Variants in TGFBI observed in about 807,000 individuals in gnomAD.
The protein encoded by TGFBI is transforming growth factor-beta-induced protein ig-h3.
Under a neutral mutation model 73.7 loss-of-function variants are expected in TGFBI, and 50 were observed. That is an observed-to-expected ratio of 0.68 (90% CI 0.54 to 0.86). TGFBI has a LOEUF of 0.86. Ranked by LOEUF, TGFBI falls within the 40% of genes least tolerant of loss-of-function variation. The pLI, the probability that TGFBI is intolerant of heterozygous loss-of-function variation, is 0.00. For missense variants in TGFBI, 839 were observed against 877.0 expected, an observed-to-expected ratio of 0.96 and a Z score of 0.55; for synonymous variants, 362 against 360.5, an observed-to-expected ratio of 1.00 and a Z score of -0.05.
Position 136,029,173 on chromosome 5 carries a change from CG to C in TGFBI, c.122del (p.Gly41AlafsTer88). The C allele has an allele frequency of 1.3e-6, 2 of 1,511,376 alleles. No individual in the cohort carries two copies. The highest frequency in any genetic ancestry group is 2.6e-5 in the East Asian group (1 of 38,718). The allele number at this position is 1,511,376 out of a possible 1,614,324, so 93.6% of individuals were successfully genotyped here. ...YQLVLQHSRL[R>X]GRQHGPNVCA... The stretch of plus-strand genomic sequence containing the variant: ...GCTGGTGCTGCAGCACAGCAGGCTC[CG>C]GGGCCGCCAGCACGGGTAAGCCGAG... On this transcript the variant is annotated frameshift_variant, in exon 1 of 17. Transcript: ENST00000442011. LOFTEE classifies it high-confidence loss of function.
At position 136,046,384 on chromosome 5, in the gene TGFBI, C is replaced by A. The variant is rs886059923; in HGVS notation, c.348C>A (p.Thr116=). The A allele has an allele frequency of 9.3e-6, 15 of 1,613,854 alleles. No homozygotes were observed. The highest frequency in any genetic ancestry group is 2.2e-5 in the East Asian group (1 of 44,894). ...AGACCCTGGGAGTCGTTGGATCCAC[C>A]ACCACTCAGCTGTACACGGACCGCA... ...LYETLGVVGS[T]TTQLYTDRTE... The change falls in exon 4 of 17, where the codon ACC becomes ACA. Residue 116 remains threonine, a synonymous_variant. Coordinates refer to ENST00000442011, the MANE Select transcript of TGFBI (RefSeq NM_000358.3).
chr5:136,056,794 G>C lies in TGFBI; in HGVS notation c.1677G>C (p.Leu559Phe), dbSNP rs554888573. 4 of 1,612,466 alleles carry C rather than the reference G, an allele frequency of 2.5e-6. No homozygotes were observed. The African/African-American group carries it at 5.3e-5, about 22-fold the overall frequency. Reference protein sequence around the residue: ...ALPPRERSRLLGDAKELANIL... With the variant: ...ALPPRERSRLFGDAKELANIL... ...CACCAAGAGAACGGAGCAGACTCTTGGGTAAAGACCAACTTAAGTACACGT... is the reference window on the plus strand; with the variant it reads ...CACCAAGAGAACGGAGCAGACTCTTCGGTAAAGACCAACTTAAGTACACGT... The change falls in exon 12 of 17, where the codon TTG (leucine) becomes TTC (phenylalanine). Residue 559 changes from leucine (L) to phenylalanine (F), a missense_variant and splice_region_variant. Physicochemically the swap from Leu to Phe is conservative, Grantham distance 22. Transcript: ENST00000442011.
chr5:136,060,276 A>G (rs188151087), intron 13 of TGFBI, among the ~76,000 whole-genome samples: 69 of 152,356 alleles, frequency 4.5e-4, no homozygotes, highest in African/African-American at 1.7e-3. Context: ...TGGATCACAC[A>G]AAAAAGCATT....
intron 7 of TGFBI, among the ~76,000 whole-genome samples, chr5:136,051,093 C>G (rs1751524719): frequency 6.6e-6 from 1 of 152,152 alleles, no homozygotes; most frequent in South Asian, 2.1e-4. Flanking sequence ...ACTGTATTCC[C>G]TATTAAAACA....
Position 136,055,757 on chromosome 5 carries a change from G to T in TGFBI, c.1488G>T (p.Arg496=), listed in dbSNP as rs2126914712. ...GRYGTLFTMD[R]VLTPPMGTVM... ...ACGGGACCCTGTTCACGATGGACCG[G>T]GTGCTGACCCCCCCAATGGGGACTG... The change falls in exon 11 of 17, where the codon CGG becomes CGT. Residue 496 remains arginine, a synonymous_variant. Transcript: ENST00000442011. The T allele has an allele frequency of 6.2e-7, 1 of 1,612,938 alleles. No individual in the cohort carries two copies. The highest frequency in any genetic ancestry group is 1.1e-5 in the South Asian group (1 of 90,844).
intron 11 of TGFBI, 82 bp downstream of exon 11, chr5:136,055,898 C>G: frequency 7.0e-7 from 1 of 1,425,600 alleles, no homozygotes; most frequent in Non-Finnish European, 9.4e-7. Context: ...ATTTGTCAAG[C>G]TTTCTTCTAC....
chr5:136,061,365 A>T (rs1172711345), intron 14 of TGFBI, 135 bp from the exon 15 acceptor site: 7 of 700,254 alleles, frequency 1.0e-5, no homozygotes, highest in Non-Finnish European at 1.8e-5. Flanking sequence ...ACCATGAGTT[A>T]TGAAACATTA....
intron 2 of TGFBI, among the ~76,000 whole-genome samples, chr5:136,034,474 A>G (rs1751181965): frequency 6.6e-6 from 1 of 151,988 alleles, no homozygotes; most frequent in Non-Finnish European, 1.5e-5. Context: ...TGAATGAAAT[A>G]ATGTACATAA....
intron 15 of TGFBI, among the ~76,000 whole-genome samples, chr5:136,061,813 C>T (rs1227089898): frequency 6.6e-6 from 1 of 152,226 alleles, no homozygotes; most frequent in Admixed American, 6.5e-5. Context: ...ACACCGAGGC[C>T]TCTGAGCCTC....
At chr5:136,038,944 G>A (rs1182035300) in intron 2 of TGFBI, among the ~76,000 whole-genome samples, 1 of 152,184 alleles carries the variant, frequency 6.6e-6, no homozygotes, top group Non-Finnish European at 1.5e-5. Context: ...GGAATTGTAA[G>A]ATAATTTGCA....
Position 136,029,444 on chromosome 5 carries a change from G to A in TGFBI, c.134+255G>A, listed in dbSNP as rs555274140. ...GTGGGGAAGTGGACCAGAGACTTTC[G>A]ACGCAGGCCAAGAGCCTGAGACGGA... On this transcript the variant is annotated intron_variant, in intron 1 of 16. Coordinates refer to ENST00000442011, the MANE Select transcript of TGFBI (RefSeq NM_000358.3). 2.6e-5 allele frequency among the ~76,000 whole-genome samples: 4 copies of A among 152,268 alleles called. No individual in the cohort carries two copies. The East Asian group carries it at 5.8e-4, about 22-fold the overall frequency.
In TGFBI at chr5:136,046,331, G is replaced by A. The variant is rs1227426238; in HGVS notation, c.299-4G>A. On this transcript the variant is annotated splice_region_variant and splice_polypyrimidine_tract_variant and intron_variant, in intron 3 of 16. Coordinates refer to ENST00000442011, the MANE Select transcript of TGFBI (RefSeq NM_000358.3). ...ATCCCTCCTTCTGTCTTCTGCTCCTGCAGCCCTACCACTCTCAAACCTTTA... is the reference window on the plus strand; with the variant it reads ...ATCCCTCCTTCTGTCTTCTGCTCCTACAGCCCTACCACTCTCAAACCTTTA... The A allele has an allele frequency of 1.2e-6, 2 of 1,613,824 alleles. No individual in the cohort carries two copies. The highest frequency in any genetic ancestry group is 2.2e-5 in the East Asian group (1 of 44,874).
intron 7 of TGFBI, among the ~76,000 whole-genome samples, chr5:136,052,121 C>G (rs1751547973): frequency 6.6e-6 from 1 of 152,268 alleles, no homozygotes; most frequent in African/African-American, 2.4e-5. Flanking sequence ...TCCATCCAGC[C>G]TGTCTGGGCT....
At chr5:136,052,823 C>T in intron 7 of TGFBI, 84 bp from the exon 8 acceptor site, 1 of 1,352,328 alleles carries the variant, frequency 7.4e-7, no homozygotes, top group Non-Finnish European at 1.0e-6. Flanking sequence ...GAACAGGATC[C>T]TCACAGCATG....
At chr5:136,055,048 T>A in intron 10 of TGFBI, 187 bp downstream of exon 10, 1 of 708,682 alleles carries the variant, frequency 1.4e-6, no homozygotes, top group South Asian at 1.9e-5. Flanking sequence ...AATCTCTTTT[T>A]CTGGAGGCCT....
chr5:136,040,509 G>A (rs1439368568), intron 2 of TGFBI, among the ~76,000 whole-genome samples: 1 of 152,198 alleles, frequency 6.6e-6, no homozygotes, highest in African/African-American at 2.4e-5. Context: ...ATGCCCGATG[G>A]TCTGAGATGG....
intron 1 of TGFBI, among the ~76,000 whole-genome samples, chr5:136,030,202 G>A (rs1417615884): frequency 6.6e-6 from 1 of 152,126 alleles, no homozygotes; most frequent in Non-Finnish European, 1.5e-5. Flanking sequence ...AAATACCATC[G>A]GGGTCTGGCG....
At chr5:136,044,347 C>A (rs555115421) in intron 3 of TGFBI, among the ~76,000 whole-genome samples, 1 of 152,374 alleles carries the variant, frequency 6.6e-6, no homozygotes, top group East Asian at 1.9e-4. Context: ...CCTTACCACA[C>A]TGGTGGAGTA....
intron 3 of TGFBI, chr5:136,045,686 G>A (rs1751415907): frequency 6.6e-6 from 1 of 152,180 alleles, no homozygotes; most frequent in African/African-American, 2.4e-5. Flanking sequence ...ACTGACTCAA[G>A]TGGAGGGACA....
Sources: gnomAD v4.1 joint callset for allele counts (sites outside exome capture counted in the v4.1 genomes callset) on GRCh38, gnomAD v4.1.1 for gene constraint, MANE v1.5 for transcripts, NCBI Gene and HGNC (gene_info 2026-07-23, HGNC 2026-07-21) for gene names.